PTPRN2: variants seen among roughly 807,000 people sequenced by gnomAD.
PTPRN2 encodes the protein receptor-type tyrosine-protein phosphatase N2.
PTPRN2 carries 74 observed loss-of-function variants against 118.8 expected under a neutral mutation model. The ratio of observed to expected loss-of-function variants is 0.62; its 90% CI spans 0.52 to 0.76. The LOEUF is 0.76. Among genes scored for constraint, PTPRN2 ranks in the 30% least tolerant of loss-of-function variants. The pLI is 0.00. For synonymous variants in PTPRN2, 641 were observed against 608.0 expected (o/e 1.05, Z -0.80); for missense variants, 1,481 against 1,394.4 (o/e 1.06, Z -0.99).
chr7:158,538,243 C>G, intron 1 of PTPRN2, among the ~76,000 whole-genome samples: 1 of 152,242 alleles, frequency 6.6e-6, no homozygotes, highest in East Asian at 1.9e-4. Context: ...ACGTAGCCCA[C>G]AGCCAGGTCT....
At position 158,198,371 on chromosome 7, in the gene PTPRN2, A is replaced by T. The variant is rs1387571873; in HGVS notation, c.381-5876T>A. On this transcript the variant is annotated intron_variant, in intron 4 of 22. Transcript: ENST00000389418. ...CATACGTATGAATTTTGTACTTTAAAAAGATGAAAAATGTTTTACACTTAG... is the reference window on the plus strand; with the variant it reads ...CATACGTATGAATTTTGTACTTTAATAAGATGAAAAATGTTTTACACTTAG... Among the ~76,000 whole-genome samples the T allele has an allele frequency of 2.6e-5, 4 of 152,216 alleles. No individual in the cohort carries two copies. The South Asian group carries it at 8.3e-4, about 32-fold the overall frequency.
At chr7:158,557,593 C>T (rs1427644079) in intron 1 of PTPRN2, among the ~76,000 whole-genome samples, 2 of 152,250 alleles carry the variant, frequency 1.3e-5, no homozygotes, top group East Asian at 3.8e-4. Context: ...TCACCTCTCT[C>T]TCTGAAGAGC....
chr7:158,253,205 T>C (rs1796798333), intron 3 of PTPRN2, among the ~76,000 whole-genome samples: 1 of 152,310 alleles, frequency 6.6e-6, no homozygotes, highest in African/African-American at 2.4e-5. Flanking sequence ...TGGGCCAGTC[T>C]CATTTTCCAG....
In PTPRN2 at chr7:158,167,230, T is replaced by C; in HGVS notation, c.611A>G (p.Tyr204Cys). ...TYVAHTSALT[Y>C]PPGSRTQLRE... ...GAGCTGGGTCCGGGACCCGGGAGGG[T>C]AGGTCAGCGCAGACGTGTGGGCCAC... The change falls in exon 6 of 23, where the codon TAC becomes TGC. Residue 204 changes from tyrosine (Y) to cysteine (C), a missense_variant. Tyr to Cys is a radical substitution (Grantham distance 194). This residue lies in a region of PTPRN2 where 1,115 missense variants were observed against 994.2 expected (regional missense o/e 1.12). Transcript: ENST00000389418. 1 of 1,611,540 alleles carries C rather than the reference T, an allele frequency of 6.2e-7. No homozygotes were observed. Among genetic ancestry groups the C allele is most frequent in the Admixed American group, 1.7e-5 (1 of 59,816 alleles).
chr7:157,846,251 T>C (rs1808792840), intron 12 of PTPRN2, among the ~76,000 whole-genome samples: 1 of 152,002 alleles, frequency 6.6e-6, no homozygotes, highest in Non-Finnish European at 1.5e-5. Context: ...CAAGGTGTGA[T>C]GTACGTTTGC....
intron 11 of PTPRN2, among the ~76,000 whole-genome samples, chr7:157,901,446 G>A (rs572541036): frequency 3.9e-5 from 6 of 152,336 alleles, no homozygotes; most frequent in East Asian, 1.9e-4. Flanking sequence ...CCATGCAGAC[G>A]TGGAGGACAG....
chr7:158,586,802 C>G (rs1199296310), intron 1 of PTPRN2, among the ~76,000 whole-genome samples: 2 of 152,188 alleles, frequency 1.3e-5, no homozygotes, highest in African/African-American at 4.8e-5. Context: ...GCGGGACATC[C>G]GAGGCCCGGC....
At chr7:157,771,925 GACAC>G (rs1201728564) in intron 12 of PTPRN2, among the ~76,000 whole-genome samples, 15 of 141,604 alleles carry the variant, frequency 1.1e-4, no homozygotes, top group African/African-American at 3.6e-4. Flanking sequence ...AACACACAGA[GACAC>G]ACACAGACAC....
At chr7:157,956,284 G>C (rs1801181857) in intron 11 of PTPRN2, among the ~76,000 whole-genome samples, 1 of 152,170 alleles carries the variant, frequency 6.6e-6, no homozygotes, top group African/African-American at 2.4e-5. Context: ...CACATCTGGA[G>C]GGGGAGGCTG....
chr7:157,860,904 G>C (rs142700682), intron 12 of PTPRN2, among the ~76,000 whole-genome samples: 1 of 152,386 alleles, frequency 6.6e-6, no homozygotes, highest in African/African-American at 2.4e-5. Context: ...GAACTGACCA[G>C]GCAATTCAGT....
At chr7:158,341,786 A>T (rs1185348616) in intron 2 of PTPRN2, among the ~76,000 whole-genome samples, 1 of 139,760 alleles carries the variant, frequency 7.2e-6, no homozygotes, top group African/African-American at 2.8e-5. Context: ...TGCAGACGTC[A>T]CTCACACCCA....
intron 3 of PTPRN2, among the ~76,000 whole-genome samples, chr7:158,266,658 G>T (rs890397418): frequency 1.3e-5 from 2 of 152,154 alleles, no homozygotes; most frequent in African/African-American, 2.4e-5. Flanking sequence ...CAGGCACAAC[G>T]GCCACTTCCC....
At chr7:158,441,262 T>TCA (rs1392115884) in intron 2 of PTPRN2, among the ~76,000 whole-genome samples, 7 of 99,768 alleles carry the variant, frequency 7.0e-5, no homozygotes, top group Admixed American at 1.1e-4. Context: ...GTGATGGTGA[T>TCA]GGTGATAGTG....
At chr7:158,458,757 C>T (rs540115820) in intron 2 of PTPRN2, among the ~76,000 whole-genome samples, 1 of 152,268 alleles carries the variant, frequency 6.6e-6, no homozygotes, top group East Asian at 1.9e-4. Flanking sequence ...CCAGGCTGGG[C>T]GGGCTCCACG....
At chr7:157,770,695 CGG>C (rs1802747333) in intron 12 of PTPRN2, among the ~76,000 whole-genome samples, 1 of 152,218 alleles carries the variant, frequency 6.6e-6, no homozygotes, top group African/African-American at 2.4e-5. Context: ...CCCTCCAGCT[CGG>C]GTAGACGGAC....
intron 1 of PTPRN2, among the ~76,000 whole-genome samples, chr7:158,539,110 C>A (rs560318018): frequency 6.6e-6 from 1 of 152,202 alleles, no homozygotes; most frequent in Admixed American, 6.5e-5. Context: ...CAGCCTGCAA[C>A]GACCACACTG....
At chr7:158,061,825 T>C (rs529234585) in intron 11 of PTPRN2, among the ~76,000 whole-genome samples, 3 of 152,378 alleles carry the variant, frequency 2.0e-5, no homozygotes, top group African/African-American at 7.2e-5. Flanking sequence ...AGGAACCCAC[T>C]AGTGACAGGG....
chr7:157,549,016 G>T lies in PTPRN2; in HGVS notation c.2906C>A (p.Ala969Asp). 6.2e-7 allele frequency: 1 copy of T among 1,614,132 alleles called. No homozygotes were observed. The highest frequency in any genetic ancestry group is 8.5e-7 in the Non-Finnish European group (1 of 1,179,996). Reference protein sequence around the residue: ...DMVLNKMAKGAKEIDIAATLE... With the variant: ...DMVLNKMAKGDKEIDIAATLE... ...GGTCGCTGCGATATCAATCTCTTTA[G>T]CACCTGCAACAAACCACAAATTGGG... The change falls in exon 22 of 23, where the codon GCT becomes GAT. Residue 969 changes from alanine to aspartate, a missense_variant. Physicochemically the swap from Ala to Asp is moderately radical, Grantham distance 126 (BLOSUM62 -2). This residue lies in a region of PTPRN2 where 362 missense variants were observed against 384.1 expected (regional missense o/e 0.94). Coordinates refer to ENST00000389418, the MANE Select transcript of PTPRN2 (RefSeq NM_002847.5).
rs552618320 is a variant in PTPRN2 at position 157,629,438 on chromosome 7, C to T, written c.2197-7929G>A. ...AAATAATAATGAGAATAAACTCCCA[C>T]CATGCAATACTAAAACTCCTAAGGA... On this transcript the variant is annotated intron_variant, in intron 14 of 22. Transcript: ENST00000389418. The surrounding 1 kb of genome is among the most constrained non-coding windows in gnomAD (Gnocchi z 4.4). Among the ~76,000 whole-genome samples the T allele has an allele frequency of 6.6e-6, 1 of 152,082 alleles. No homozygotes were observed.
Sources: gnomAD v4.1 joint callset for allele counts (sites outside exome capture counted in the v4.1 genomes callset) on GRCh38, gnomAD v4.1.1 for gene constraint, gnomAD v4.1.1 regional missense constraint, Gnocchi (gnomAD v3.1) non-coding constraint, MANE v1.5 for transcripts, NCBI Gene and HGNC (gene_info 2026-07-23, HGNC 2026-07-21) for gene names.